The following SIDT1 variants were observed in gnomAD, a reference collection of about 807,000 sequenced individuals.
The protein encoded by SIDT1 is SID1 transmembrane family, member 1.
In SIDT1, 101 loss-of-function variants were observed where a neutral mutation model predicts 107.5. That is an observed-to-expected ratio of 0.94 (90% CI 0.80 to 1.11). SIDT1 has a LOEUF of 1.11. Ranked by LOEUF, SIDT1 falls within the 50% of genes least tolerant of loss-of-function variation. The pLI is 0.00. For missense variants in SIDT1, 1,076 were observed against 1,058.2 expected (o/e 1.02, Z -0.23); for synonymous variants, 395 against 398.2 (o/e 0.99, Z 0.10).
Position 113,567,682 on chromosome 3 carries a change from G to C in SIDT1, c.487G>C (p.Val163Leu). The C allele has an allele frequency of 6.2e-7, 1 of 1,613,914 alleles. No individual in the cohort carries two copies. Among genetic ancestry groups the C allele is most frequent in the Non-Finnish European group, 8.5e-7 (1 of 1,179,958 alleles). ...CCTGGGTGCTCAGTACAAACTGCTA[G>C]TTACCAAGCTGAAGCACTTCCAGCT... ...APLGAQYKLL[V>L]TKLKHFQLRT... Residue 163 changes from valine to leucine, a missense_variant, in exon 3 of 25, where the codon GTT becomes CTT. Val to Leu is a conservative substitution (Grantham distance 32). Coordinates refer to ENST00000264852, the MANE Select transcript of SIDT1 (RefSeq NM_017699.3).
At chr3:113,630,473 A>G (rs1947082461), downstream of SIDT1, among the ~76,000 whole-genome samples, 1 of 152,152 alleles carries the variant, frequency 6.6e-6, no homozygotes, top group African/African-American at 2.4e-5. Context: ...GGGGCAAAGA[A>G]AATGGCAGCT....
rs538163519 is a variant in SIDT1, at chr3:113,581,381, C to T, written c.684C>T (p.Asp228=). ...TGCAGTGCCCGGTGTATGATCTCGA[C>T]CACAATGTGGAATTTAATGGTGTCT... The part of the protein sequence containing the change: ...QNIMCPVYDL[D]HNVEFNGVYQ... Residue 228 remains aspartate, a synonymous_variant, in exon 6 of 25, where the codon GAC becomes GAT. Coordinates refer to ENST00000264852, the MANE Select transcript of SIDT1 (RefSeq NM_017699.3). 304 of 1,613,588 alleles carry T rather than the reference C, an allele frequency of 1.9e-4. 2 individuals carry two copies. In the South Asian group the frequency reaches 3.1e-3, roughly 16 times the overall value.
chr3:113,606,864 A>G, intron 14 of SIDT1, 177 bp from the exon 15 acceptor site: 2 of 491,164 alleles, frequency 4.1e-6, no homozygotes, highest in South Asian at 4.3e-5. Flanking sequence ...TTTTGTAAAA[A>G]AAGTGCCTGT....
intron 19 of SIDT1, among the ~76,000 whole-genome samples, chr3:113,614,636 A>G (rs1005689069): frequency 3.3e-5 from 5 of 152,190 alleles, no homozygotes; most frequent in African/African-American, 1.2e-4. Flanking sequence ...ACACAAGCAA[A>G]TAAATGTGGA....
chr3:113,627,186 A>C (rs1308349672), intron 24 of SIDT1, among the ~76,000 whole-genome samples: 1 of 152,048 alleles, frequency 6.6e-6, no homozygotes, highest in Non-Finnish European at 1.5e-5. Flanking sequence ...TCTTGACCTA[A>C]ATGTCCCCTA....
At chr3:113,580,795 T>A in intron 5 of SIDT1, 86 bp downstream of exon 5, 1 of 861,520 alleles carries the variant, frequency 1.2e-6, no homozygotes, top group East Asian at 2.4e-5. Context: ...AAGCATGCCA[T>A]CCTCTTACTG....
intron 6 of SIDT1, chr3:113,581,701 T>C (rs984319053): frequency 2.5e-6 from 1 of 403,594 alleles, no homozygotes; most frequent in African/African-American, 2.1e-5. Flanking sequence ...GGCAAAACCC[T>C]GTCTCCACTA....
intron 17 of SIDT1, among the ~76,000 whole-genome samples, chr3:113,609,058 CTTTTTTTTTTTTT>C (rs11453487): frequency 2.3e-5 from 2 of 86,686 alleles, no homozygotes; most frequent in East Asian, 3.8e-4. Flanking sequence ...TGAGCCCATT[CTTTTTTTTTTTTT>C]TTTTTTTTTT....
chr3:113,581,749 T>G (rs1943363687), intron 6 of SIDT1: 1 of 292,416 alleles, frequency 3.4e-6, no homozygotes, highest in Non-Finnish European at 6.6e-6. Flanking sequence ...GGTGCACACC[T>G]GCAATCCCAG....
intron 1 of SIDT1, among the ~76,000 whole-genome samples, chr3:113,554,849 GC>G (rs1240854079): frequency 1.3e-5 from 2 of 151,880 alleles, no homozygotes; most frequent in Admixed American, 6.6e-5. Context: ...TGGGCATGTG[GC>G]CAAGGTGCTG....
chr3:113,566,980 A>G (rs1941975116), intron 2 of SIDT1, among the ~76,000 whole-genome samples: 1 of 152,198 alleles, frequency 6.6e-6, no homozygotes, highest in Non-Finnish European at 1.5e-5. Context: ...TGGAAAAACA[A>G]CAAAGTGCCT....
In SIDT1 at chr3:113,557,885, G is replaced by A. The variant is rs7637206; in HGVS notation, c.223-8535G>A. ...TCCCCTGGCTATATTTCTTTTCCAG[G>A]GCAGAGAAATGGAGAAATGAGCTAT... is the stretch of plus-strand genomic sequence containing the variant. On this transcript the variant is annotated intron_variant, in intron 1 of 24. Coordinates refer to ENST00000264852, the MANE Select transcript of SIDT1 (RefSeq NM_017699.3). 5.3e-5 allele frequency among the ~76,000 whole-genome samples: 8 copies of A among 152,000 alleles called. 1 individual carries two copies. The highest frequency in any genetic ancestry group is 5.2e-4 in the Admixed American group (8 of 15,266).
intron 3 of SIDT1, among the ~76,000 whole-genome samples, chr3:113,569,538 A>G (rs1425130100): frequency 6.6e-6 from 1 of 152,192 alleles, no homozygotes; most frequent in East Asian, 1.9e-4. Flanking sequence ...TCAAATATTT[A>G]TCTTGGTCCT....
intron 21 of SIDT1, among the ~76,000 whole-genome samples, chr3:113,622,356 C>G (rs1306309762): frequency 6.6e-6 from 1 of 150,420 alleles, no homozygotes; most frequent in Non-Finnish European, 1.5e-5. Context: ...CCCAGCTACT[C>G]CAGAGGCTGT....
At chr3:113,576,188 T>G (rs73854364) in intron 3 of SIDT1, among the ~76,000 whole-genome samples, 3,201 of 152,346 alleles carry the variant, frequency 0.021, 66 homozygotes, top group African/African-American at 0.055. Context: ...CTTCAGTGCC[T>G]AGATCATTGC....
At chr3:113,567,759 G>A in intron 3 of SIDT1, 49 bp downstream of exon 3, 1 of 1,566,492 alleles carries the variant, frequency 6.4e-7, no homozygotes, top group East Asian at 2.2e-5. Flanking sequence ...TGTGCTTGTG[G>A]ATGCTCAATT....
chr3:113,564,477 G>T (rs935263715), intron 1 of SIDT1, among the ~76,000 whole-genome samples: 15 of 152,198 alleles, frequency 9.9e-5, no homozygotes, highest in African/African-American at 3.4e-4. Context: ...TACAGCCCTG[G>T]AGTCGGAAGA....
At chr3:113,593,759 A>G (rs749253007) in intron 10 of SIDT1, among the ~76,000 whole-genome samples, 10 of 152,178 alleles carry the variant, frequency 6.6e-5, no homozygotes, top group Middle Eastern at 3.2e-3. Context: ...TTTTTCCCAA[A>G]CTAAGATGGA....
At chr3:113,587,465 G>A (rs778313683) in intron 9 of SIDT1, among the ~76,000 whole-genome samples, 6 of 152,194 alleles carry the variant, frequency 3.9e-5, no homozygotes, top group African/African-American at 1.4e-4. Flanking sequence ...TCGAATCAGA[G>A]TTACTAATAT....
Sources: allele counts gnomAD v4.1 joint callset (sites outside exome capture counted in the v4.1 genomes callset), GRCh38; gene constraint gnomAD v4.1.1; transcripts MANE v1.5; gene names NCBI Gene and HGNC (gene_info 2026-07-23, HGNC 2026-07-21).